CCNL1: variants seen among roughly 807,000 people sequenced by gnomAD.
CCNL1 encodes the protein cyclin L1.
In CCNL1, 13 loss-of-function variants were observed where a neutral mutation model predicts 60.6. The observed-to-expected ratio is 0.21, with a 90% CI of 0.14 to 0.34. The LOEUF is 0.34. Among genes scored for constraint, CCNL1 ranks in the 10% least tolerant of loss-of-function variants. The probability of loss-of-function intolerance (pLI) is 1.00; values close to 1 mark genes in which losing one functional copy is unlikely to be tolerated. For synonymous variants in CCNL1, 270 were observed against 244.3 expected, an observed-to-expected ratio of 1.10 and a Z score of -0.98; for missense variants, 481 against 664.3, an observed-to-expected ratio of 0.72 and a Z score of 3.03.
In CCNL1 at chr3:157,159,975, G is replaced by A. The variant is rs1243779010; in HGVS notation, c.120C>T (p.Ile40=). 6.3e-7 allele frequency: 1 copy of A among 1,590,854 alleles called. No individual in the cohort carries two copies. The highest frequency in any genetic ancestry group is 2.3e-5 in the East Asian group (1 of 43,554). Residue 40 remains isoleucine, a synonymous_variant, in exon 1 of 11, where the codon ATC becomes ATT. Coordinates refer to ENST00000295926, the MANE Select transcript of CCNL1 (RefSeq NM_020307.4). Reference sequence around the variant, plus strand: ...CCGAGTACAGGCGATCGCCGATCAGGATCCCTCCCGTCGTGGTCGTCGTCG... The same window carrying A: ...CCGAGTACAGGCGATCGCCGATCAGAATCCCTCCCGTCGTGGTCGTCGTCG... ...TTTTTTTTGG[I]LIGDRLYSEV... is the part of the protein sequence containing the mutation.
chr3:157,157,501 T>C (rs762297484), intron 3 of CCNL1, among the ~76,000 whole-genome samples: 32 of 152,314 alleles, frequency 2.1e-4, no homozygotes, highest in East Asian at 3.9e-4. Flanking sequence ...AGAGAAACCT[T>C]TGACTAAAGA....
chr3:157,152,699 C>A, intron 4 of CCNL1: 1 of 1,119,602 alleles, frequency 8.9e-7, no homozygotes, highest in Non-Finnish European at 1.1e-6. Context: ...GATAAGTGTG[C>A]CAGATACTTT....
chr3:157,157,191 T>TA, intron 3 of CCNL1: 1 of 1,004,220 alleles, frequency 1.0e-6, no homozygotes, highest in Non-Finnish European at 1.4e-6. Flanking sequence ...CATCCTGCTT[T>TA]AAAAAAAGGC....
intron 3 of CCNL1, chr3:157,156,992 T>C: frequency 7.8e-7 from 1 of 1,289,828 alleles, no homozygotes; most frequent in Non-Finnish European, 1.0e-6. Flanking sequence ...TCCTTGGGGA[T>C]TTTCGATACT....
chr3:157,149,648 CA>C (rs1268482221), intron 8 of CCNL1, 52 bp from the exon 9 acceptor site: 2 of 1,544,998 alleles, frequency 1.3e-6, no homozygotes, highest in African/African-American at 1.4e-5. Flanking sequence ...AACAGAGGGC[CA>C]AAAGTTGTTT....
At chr3:157,151,195 T>C (rs1305086013) in intron 5 of CCNL1, 2 of 985,124 alleles carry the variant, frequency 2.0e-6, no homozygotes, top group East Asian at 2.3e-4. Flanking sequence ...ATGAGACTTT[T>C]CTAACATTAC....
At chr3:157,159,298 C>T in intron 2 of CCNL1, 107 bp downstream of exon 2, 1 of 1,003,546 alleles carries the variant, frequency 1.0e-6, no homozygotes, top group Non-Finnish European at 1.5e-6. Context: ...GGTACAAAGG[C>T]CTAAACTAAA....
chr3:157,148,221 A>C lies in CCNL1; in HGVS notation c.*20T>G. 1 of 1,602,040 alleles carries C rather than the reference A, an allele frequency of 6.2e-7. No individual in the cohort carries two copies. The highest frequency in any genetic ancestry group is 8.5e-7 in the Non-Finnish European group (1 of 1,173,584). On this transcript the variant is annotated 3_prime_UTR_variant, in exon 11 of 11. Transcript: ENST00000295926. ...GATAGGCAAAACCAAGAACTGATGC[A>C]GGCTCAAAGGAAGAGAAAGTCAGCG... is the stretch of plus-strand genomic sequence containing the variant.
chr3:157,144,419 A>AG (rs546469861), downstream of CCNL1, among the ~76,000 whole-genome samples: 15 of 152,392 alleles, frequency 9.8e-5, 1 homozygote, highest in South Asian at 2.7e-3. Context: ...AAATGTTGTA[A>AG]GGGCCAGTAG....
At chr3:157,150,500 C>T in intron 5 of CCNL1, 119 bp from the exon 6 acceptor site, 1 of 1,444,944 alleles carries the variant, frequency 6.9e-7, no homozygotes, top group Non-Finnish European at 9.1e-7. Context: ...TATTCACATC[C>T]TCATATTCTA....
chr3:157,149,453 T>G (rs1358327625), intron 9 of CCNL1, 32 bp downstream of exon 9: 1 of 1,609,874 alleles, frequency 6.2e-7, no homozygotes, highest in Non-Finnish European at 8.5e-7. Context: ...AAAAGATTCC[T>G]CAAGCCAGTT....
At chr3:157,144,427 T>C (rs186316851), downstream of CCNL1, among the ~76,000 whole-genome samples, 1 of 152,368 alleles carries the variant, frequency 6.6e-6, no homozygotes, top group Admixed American at 6.5e-5. Context: ...TAAGGGCCAG[T>C]AGACAAGAGG....
At position 157,148,058 on chromosome 3, in the gene CCNL1, T is replaced by C; in HGVS notation, c.*183A>G. ...TTAATTAGATACTGCTAGGGCATTT[T>C]AATGTGCAAAAAAATTAACATAGTT... On this transcript the variant is annotated 3_prime_UTR_variant, in exon 11 of 11. Coordinates refer to ENST00000295926, the MANE Select transcript of CCNL1 (RefSeq NM_020307.4). The C allele has an allele frequency of 7.2e-7, 1 of 1,383,024 alleles. No homozygotes were observed. The highest frequency in any genetic ancestry group is 9.3e-7 in the Non-Finnish European group (1 of 1,073,542). The allele number at this position is 1,383,024 out of a possible 1,614,324, so 85.7% of individuals were successfully genotyped here.
chr3:157,149,426 T>A (rs923933522), intron 9 of CCNL1, 41 bp from the exon 10 acceptor site: 1 of 1,609,576 alleles, frequency 6.2e-7, no homozygotes, highest in Non-Finnish European at 8.5e-7. Flanking sequence ...ACTTAGTGTG[T>A]TAAAAAGTAA....
downstream of CCNL1, among the ~76,000 whole-genome samples, chr3:157,143,329 T>G (rs1737699549): frequency 6.6e-6 from 1 of 152,220 alleles, no homozygotes; most frequent in Admixed American, 6.5e-5. Context: ...TCCAGGAACC[T>G]AGTCCTCTCT....
intron 3 of CCNL1, among the ~76,000 whole-genome samples, chr3:157,156,055 A>G (rs1281780243): frequency 6.6e-6 from 1 of 152,212 alleles, no homozygotes; most frequent in Non-Finnish European, 1.5e-5. Flanking sequence ...ATGATTATGT[A>G]ATTGACATAT....
At position 157,149,861 on chromosome 3, in the gene CCNL1, A is replaced by G; in HGVS notation, c.996T>C (p.Gly332=). 1 of 1,614,008 alleles carries G rather than the reference A, an allele frequency of 6.2e-7. No homozygotes were observed. The highest frequency in any genetic ancestry group is 1.3e-5 in the African/African-American group (1 of 75,038). ...ATGGCTTGGAGGCTGGAGAAAATCC[A>G]CCCAGGGTTGAAAGGGCTGGAGTTC... is the stretch of plus-strand genomic sequence containing the variant. The part of the protein sequence containing the change: ...PDGTPALSTL[G]GFSPASKPSS... Residue 332 remains glycine (G), a synonymous_variant, in exon 8 of 11, where the codon GGT becomes GGC. Transcript: ENST00000295926.
intron 2 of CCNL1, 36 bp downstream of exon 2, chr3:157,159,369 G>T: frequency 1.9e-6 from 3 of 1,599,380 alleles, no homozygotes; most frequent in Non-Finnish European, 2.6e-6. Context: ...ATTTCCGGAT[G>T]AAGAAATCCC....
In CCNL1 at chr3:157,148,106, A is replaced by G. The variant is rs577155151; in HGVS notation, c.*135T>C. 2.1e-6 allele frequency: 3 copies of G among 1,424,330 alleles called. No individual in the cohort carries two copies. Among genetic ancestry groups the G allele is most frequent in the Non-Finnish European group, 2.8e-6 (3 of 1,089,450 alleles). The allele number at this position is 1,424,330 out of a possible 1,614,324, so 88.2% of individuals were successfully genotyped here. ...GTTCTTTTCAAAAGAAACTGTCCTC[A>G]GTGTTCTAGAGACCTAGAGGGTTTC... On this transcript the variant is annotated 3_prime_UTR_variant, in exon 11 of 11. Transcript: ENST00000295926.
Sources: allele counts gnomAD v4.1 joint callset (sites outside exome capture counted in the v4.1 genomes callset), GRCh38; gene constraint gnomAD v4.1.1; transcripts MANE v1.5; gene names NCBI Gene and HGNC (gene_info 2026-07-23, HGNC 2026-07-21).